TTLL1: variants seen among roughly 807,000 people sequenced by gnomAD.
TTLL1 encodes the protein polyglutamylase complex subunit TTLL1.
In TTLL1, 33 loss-of-function variants were observed where a neutral mutation model predicts 47.8. The ratio of observed to expected loss-of-function variants is 0.69; its 90% CI spans 0.52 to 0.92. The LOEUF is 0.92. Ranked by LOEUF, TTLL1 falls within the 40% of genes least tolerant of loss-of-function variation. The probability of loss-of-function intolerance (pLI) is 0.00; values close to 1 mark genes in which losing one functional copy is unlikely to be tolerated. For synonymous variants in TTLL1, 225 were observed against 214.1 expected (o/e 1.05, Z -0.45); for missense variants, 488 against 547.5 (o/e 0.89, Z 1.08).
Position 43,039,907 on chromosome 22 carries a change from T to G in TTLL1, c.1143-2A>C. The G allele has an allele frequency of 1.9e-6, 3 of 1,613,066 alleles. No individual in the cohort carries two copies. Among genetic ancestry groups the G allele is most frequent in the Non-Finnish European group, 2.5e-6 (3 of 1,179,598 alleles). ...CCCTGGGCCAATTCTTCATCATACC[T>G]GGAGACAGAAACAGCCAGGATCACG... On this transcript the variant is annotated splice_acceptor_variant, in intron 10 of 10. Coordinates refer to ENST00000266254, the MANE Select transcript of TTLL1 (RefSeq NM_012263.5). LOFTEE classifies it high-confidence loss of function.
chr22:43,057,947 TA>T lies in TTLL1; in HGVS notation c.891+1436del, dbSNP rs1305067470. ...GGGAAGCACTGGAAATATATATATA[TA>T]TATATTTTTTTTTTTCTAGACAGTC... On this transcript the variant is annotated intron_variant, in intron 8 of 10. Transcript: ENST00000266254. 2.9e-3 allele frequency among the ~76,000 whole-genome samples: 337 copies of T among 118,066 alleles called. 2 individuals carry two copies. The highest frequency in any genetic ancestry group is 0.012 in the African/African-American group (312 of 26,366). 77.5% of individuals were successfully genotyped at this position (118,066 alleles called of 152,430 possible).
At chr22:43,066,671 A>C (rs1927755443) in intron 5 of TTLL1, among the ~76,000 whole-genome samples, 1 of 148,078 alleles carries the variant, frequency 6.8e-6, no homozygotes, top group Non-Finnish European at 1.5e-5. Context: ...GCAGTGAGCC[A>C]TGATCCCGTC....
intron 10 of TTLL1, among the ~76,000 whole-genome samples, chr22:43,043,009 G>A (rs908735331): frequency 5.4e-5 from 8 of 147,556 alleles, no homozygotes; most frequent in African/African-American, 1.8e-4. Flanking sequence ...GCACGATCTC[G>A]GCTCACTGCA....
chr22:43,060,409 C>T (rs745918349), intron 7 of TTLL1, among the ~76,000 whole-genome samples: 10 of 152,208 alleles, frequency 6.6e-5, no homozygotes, highest in Non-Finnish European at 1.2e-4. Flanking sequence ...TGCTCCACAG[C>T]GCCCCACGGT....
rs1926572652 is a variant in TTLL1 at position 43,050,905 on chromosome 22, G to GC, written c.978+895dup. 7.2e-5 allele frequency among the ~76,000 whole-genome samples: 11 copies of GC among 152,326 alleles called. No homozygotes were observed. In the South Asian group the frequency reaches 2.3e-3, roughly 32 times the overall value. On this transcript the variant is annotated intron_variant, in intron 9 of 10. Coordinates refer to ENST00000266254, the MANE Select transcript of TTLL1 (RefSeq NM_012263.5). ...CCCGCTCACACACCCAGCTTTGGCG[G>GC]CATAAGGAGTTGCCTGGAAAATGCC...
At chr22:43,049,652 C>T (rs1052853027) in intron 9 of TTLL1, among the ~76,000 whole-genome samples, 2 of 151,704 alleles carry the variant, frequency 1.3e-5, no homozygotes. Context: ...GCCTGTAATC[C>T]CAGCTACTCA....
chr22:43,068,209 C>G (rs1001187864), intron 5 of TTLL1, among the ~76,000 whole-genome samples: 1 of 151,368 alleles, frequency 6.6e-6, no homozygotes, highest in African/African-American at 2.4e-5. Context: ...CCCAACTACT[C>G]GGGAGGCTGA....
chr22:43,061,655 T>A (rs1927393798), intron 7 of TTLL1, among the ~76,000 whole-genome samples: 2 of 152,182 alleles, frequency 1.3e-5, no homozygotes, highest in African/African-American at 4.8e-5. Flanking sequence ...GCCCCTAACC[T>A]GAACTGGGTC....
chr22:43,077,277 C>T (rs1928568071), intron 2 of TTLL1, among the ~76,000 whole-genome samples: 1 of 152,174 alleles, frequency 6.6e-6, no homozygotes, highest in African/African-American at 2.4e-5. Context: ...CACTCTCTCT[C>T]CTGCCACAGG....
chr22:43,052,889 T>C (rs1021748724), intron 8 of TTLL1, among the ~76,000 whole-genome samples: 2 of 151,840 alleles, frequency 1.3e-5, no homozygotes, highest in Non-Finnish European at 1.5e-5. Context: ...TGAAACCCCG[T>C]CTCTACTAAA....
chr22:43,078,155 A>C (rs1928632676), intron 2 of TTLL1, among the ~76,000 whole-genome samples: 4 of 151,868 alleles, frequency 2.6e-5, no homozygotes, highest in Non-Finnish European at 5.9e-5. Flanking sequence ...CATCATCCCC[A>C]CTGCACCAAT....
chr22:43,077,649 C>T (rs984946455), intron 2 of TTLL1, among the ~76,000 whole-genome samples: 1 of 152,148 alleles, frequency 6.6e-6, no homozygotes, highest in Non-Finnish European at 1.5e-5. Flanking sequence ...GGACTCTGGA[C>T]CTCGGTCTGC....
intron 1 of TTLL1, among the ~76,000 whole-genome samples, chr22:43,087,852 A>AAC (rs1203634269): frequency 1.4e-5 from 2 of 146,516 alleles, no homozygotes; most frequent in Admixed American, 1.4e-4. Context: ...AAAAAAAAAA[A>AAC]AAACCAAGAA....
chr22:43,046,772 C>T (rs890740227), intron 9 of TTLL1, among the ~76,000 whole-genome samples, 199 bp from the exon 10 acceptor site: 19 of 152,234 alleles, frequency 1.2e-4, no homozygotes, highest in African/African-American at 3.9e-4. Context: ...CGGGCTCAAG[C>T]GATTCTCCTG....
intron 10 of TTLL1, among the ~76,000 whole-genome samples, chr22:43,044,526 CTTTG>C (rs1364032356): frequency 1.3e-5 from 2 of 151,968 alleles, no homozygotes; most frequent in Non-Finnish European, 1.5e-5. Flanking sequence ...ATATTTCTTC[CTTTG>C]TTTTTTAAAA....
chr22:43,047,396 G>A (rs1342270310), intron 9 of TTLL1, among the ~76,000 whole-genome samples: 3 of 151,330 alleles, frequency 2.0e-5, no homozygotes, highest in South Asian at 2.1e-4. Flanking sequence ...GCTAAGCAAC[G>A]TCACAAGATC....
chr22:43,045,406 C>T (rs963290702), intron 10 of TTLL1, among the ~76,000 whole-genome samples: 7 of 151,436 alleles, frequency 4.6e-5, no homozygotes, highest in African/African-American at 4.9e-5. Context: ...GTTTCTGACA[C>T]ATGACAAGCC....
rs373768039 is a variant in TTLL1 at position 43,041,443 on chromosome 22, C to T, written c.1143-1538G>A. 17 of 151,846 alleles carry T rather than the reference C, an allele frequency of 1.1e-4. 1 individual carries two copies. Among genetic ancestry groups the T allele is most frequent in the African/African-American group, 3.9e-4 (16 of 41,362 alleles). 9.4% of individuals were successfully genotyped at this position (151,846 alleles called of 1,614,324 possible). On this transcript the variant is annotated intron_variant, in intron 10 of 10. Transcript: ENST00000266254. ...TGAATGTAGTATGAGTTAGAAACTT[C>T]TGAGGTTAAAGAATGTATTTTCTGC...
In TTLL1 at chr22:43,040,218, A is replaced by G. The variant is rs2146952993; in HGVS notation, c.1143-313T>C. Reference sequence around the variant, plus strand: ...ACAGGTCACCAGGTCAAATATGGCAATGACTCCAAAGGCAACATGCATGAG... The same window carrying G: ...ACAGGTCACCAGGTCAAATATGGCAGTGACTCCAAAGGCAACATGCATGAG... On this transcript the variant is annotated intron_variant, in intron 10 of 10. Transcript: ENST00000266254. 4 of 248,690 alleles carry G rather than the reference A, an allele frequency of 1.6e-5. No homozygotes were observed. The South Asian group carries it at 2.0e-4, about 12-fold the overall frequency. The allele number at this position is 248,690 out of a possible 1,614,324, so 15.4% of individuals were successfully genotyped here.
Sources: allele counts gnomAD v4.1 joint callset (sites outside exome capture counted in the v4.1 genomes callset), GRCh38; gene constraint gnomAD v4.1.1; transcripts MANE v1.5; gene names NCBI Gene and HGNC (gene_info 2026-07-23, HGNC 2026-07-21).